Variants in NCALD observed in about 807,000 individuals in gnomAD.
NCALD encodes the protein neurocalcin delta.
A neutral mutation model predicts 18.6 loss-of-function variants in NCALD; 10 were observed. That is an observed-to-expected ratio of 0.54 (90% confidence interval 0.33 to 0.91). NCALD has a LOEUF of 0.91. Among genes scored for constraint, NCALD ranks in the 40% least tolerant of loss-of-function variants. The pLI is 0.03. For missense variants in NCALD, 184 were observed against 247.6 expected (o/e 0.74, Z 1.72); for synonymous variants, 88 against 87.4 (o/e 1.01, Z -0.04).
In NCALD at chr8:101,691,214, T is replaced by C. The variant is rs997140779; in HGVS notation, c.484+1577A>G. On this transcript the variant is annotated intron_variant, in intron 3 of 3. Coordinates refer to ENST00000220931, the MANE Select transcript of NCALD (RefSeq NM_032041.3). ...TAAGATTCCTCTGACAGCTGTGAACTTACAGCCCCTCTTCCTCCTTCCTTC... is the reference window on the plus strand; with the variant it reads ...TAAGATTCCTCTGACAGCTGTGAACCTACAGCCCCTCTTCCTCCTTCCTTC... 8 of 985,224 alleles carry C rather than the reference T, an allele frequency of 8.1e-6. No individual in the cohort carries two copies. In the African/African-American group the frequency reaches 1.2e-4, roughly 15 times the overall value. The allele number at this position is 985,224 out of a possible 1,614,324, so 61.0% of individuals were successfully genotyped here. A position where few individuals can be genotyped will look rare whatever the true frequency, so the allele number is the denominator to read the frequency against.
At chr8:102,002,117 G>A (rs1193631279) in intron 2 of NCALD, among the ~76,000 whole-genome samples, 1 of 152,150 alleles carries the variant, frequency 6.6e-6, no homozygotes, top group Non-Finnish European at 1.5e-5. Context: ...TCAGTGTGCT[G>A]TATTCAGGAA....
chr8:101,789,269 G>A (rs1812359776), intron 1 of NCALD, among the ~76,000 whole-genome samples: 2 of 152,262 alleles, frequency 1.3e-5, no homozygotes, highest in African/African-American at 2.4e-5. Flanking sequence ...TTCTAGGGGT[G>A]TTAAGAATAT....
At chr8:101,816,411 A>G (rs1194476034) in intron 4 of NCALD, among the ~76,000 whole-genome samples, 1 of 152,166 alleles carries the variant, frequency 6.6e-6, no homozygotes, top group Non-Finnish European at 1.5e-5. Context: ...TCATGGCTGG[A>G]AGAATTCTAT....
In NCALD at chr8:101,924,931, G is replaced by A. The variant is rs570019174; in HGVS notation, c.-156-9073C>T. ...CCCTTAAAGGACCTTTGTTATTGCC[G>A]TTCTCCTGAGGTTCCTTCAGATGCT... is the stretch of plus-strand genomic sequence containing the variant. On this transcript the variant is annotated intron_variant, in intron 2 of 6. Transcript: ENST00000311028. 5.4e-4 allele frequency among the ~76,000 whole-genome samples: 82 copies of A among 152,158 alleles called. 1 individual carries two copies. The South Asian group carries it at 0.015, about 27-fold the overall frequency.
intron 3 of NCALD, among the ~76,000 whole-genome samples, chr8:101,901,172 T>TA (rs1817406485): frequency 6.6e-6 from 1 of 152,056 alleles, no homozygotes. Context: ...TCCTGCTTTT[T>TA]AAAAAATTAA....
chr8:101,990,978 G>T (rs1209931732), intron 2 of NCALD, among the ~76,000 whole-genome samples: 1 of 152,108 alleles, frequency 6.6e-6, no homozygotes, highest in Non-Finnish European at 1.5e-5. Context: ...TGGTAATCTT[G>T]CCATTTTGAT....
intron 3 of NCALD, among the ~76,000 whole-genome samples, chr8:101,889,563 T>C (rs1214811170): frequency 6.6e-6 from 1 of 152,218 alleles, no homozygotes; most frequent in East Asian, 1.9e-4. Flanking sequence ...ATCTGAGACA[T>C]AGCTCAAATG....
Position 102,004,133 on chromosome 8 carries a change from C to T in NCALD, c.-157+16104G>A, listed in dbSNP as rs1319063149. On this transcript the variant is annotated intron_variant, in intron 2 of 6. Transcript: ENST00000311028. Reference sequence around the variant, plus strand: ...ATGATTGTATATCTAGAAAACCCCACTGTCTCAGCCCAAAATCTCCTTAAG... The same window carrying T: ...ATGATTGTATATCTAGAAAACCCCATTGTCTCAGCCCAAAATCTCCTTAAG... 3.9e-4 allele frequency among the ~76,000 whole-genome samples: 59 copies of T among 151,044 alleles called. No homozygotes were observed. The East Asian group carries it at 4.8e-3, about 12-fold the overall frequency.
At chr8:101,882,507 A>G (rs1257219383) in intron 4 of NCALD, among the ~76,000 whole-genome samples, 1 of 152,196 alleles carries the variant, frequency 6.6e-6, no homozygotes, top group Non-Finnish European at 1.5e-5. Flanking sequence ...CAAGAACTGT[A>G]GGAAATAAAT....
At chr8:101,973,757 G>A (rs955690920) in intron 2 of NCALD, among the ~76,000 whole-genome samples, 15 of 152,108 alleles carry the variant, frequency 9.9e-5, no homozygotes, top group African/African-American at 2.9e-4. Flanking sequence ...AGCTTCTAAC[G>A]TTGCAGAGCA....
chr8:101,867,408 A>G (rs1207438494), intron 4 of NCALD, among the ~76,000 whole-genome samples: 7 of 152,216 alleles, frequency 4.6e-5, no homozygotes, highest in Admixed American at 4.6e-4. Context: ...TGCCTGGTGC[A>G]CAGTAGAAGC....
At chr8:101,919,169 T>G (rs1273958345) in intron 2 of NCALD, among the ~76,000 whole-genome samples, 6 of 152,184 alleles carry the variant, frequency 3.9e-5, no homozygotes, top group African/African-American at 1.2e-4. Flanking sequence ...ATGGTACTAG[T>G]GCAAAAACAG....
At chr8:101,743,897 T>C (rs1444872551) in intron 1 of NCALD, among the ~76,000 whole-genome samples, 1 of 152,160 alleles carries the variant, frequency 6.6e-6, no homozygotes, top group African/African-American at 2.4e-5. Flanking sequence ...TGGGAAAGGA[T>C]CCCTTCGGGC....
chr8:101,951,203 G>A (rs1042998514), intron 2 of NCALD, among the ~76,000 whole-genome samples: 1 of 152,178 alleles, frequency 6.6e-6, no homozygotes, highest in Non-Finnish European at 1.5e-5. Flanking sequence ...AAAAAACGAT[G>A]AGGACAGTAT....
intron 2 of NCALD, among the ~76,000 whole-genome samples, chr8:101,927,636 G>A (rs996743203): frequency 6.6e-6 from 1 of 152,202 alleles, no homozygotes; most frequent in Non-Finnish European, 1.5e-5. Context: ...AGTGGCATGA[G>A]ATGAGGCCCA....
chr8:101,984,011 C>T (rs1820715737), intron 2 of NCALD, among the ~76,000 whole-genome samples: 1 of 152,178 alleles, frequency 6.6e-6, no homozygotes, highest in African/African-American at 2.4e-5. Context: ...GAATCACCTG[C>T]TCGAATATGC....
chr8:101,770,535 C>T (rs1811541128), intron 1 of NCALD, among the ~76,000 whole-genome samples: 3 of 152,140 alleles, frequency 2.0e-5, no homozygotes, highest in Non-Finnish European at 4.4e-5. Flanking sequence ...GGGGGGGCTT[C>T]CTGCAAAGAA....
chr8:101,931,080 A>C (rs751394021), intron 2 of NCALD, among the ~76,000 whole-genome samples: 3 of 152,112 alleles, frequency 2.0e-5, no homozygotes, highest in Non-Finnish European at 2.9e-5. Flanking sequence ...ACTAAGCCTG[A>C]TGTCCGCCAG....
At chr8:101,776,179 G>A (rs1811783748) in intron 1 of NCALD, among the ~76,000 whole-genome samples, 1 of 152,120 alleles carries the variant, frequency 6.6e-6, no homozygotes, top group South Asian at 2.1e-4. Flanking sequence ...AGAGATGAAT[G>A]ATCAGACTGA....
Sources: gnomAD v4.1 joint callset for allele counts (sites outside exome capture counted in the v4.1 genomes callset) on GRCh38, gnomAD v4.1.1 for gene constraint, MANE v1.5 for transcripts, NCBI Gene and HGNC (gene_info 2026-07-23, HGNC 2026-07-21) for gene names.